YIPF7: variants seen among roughly 807,000 people sequenced by gnomAD.
The protein encoded by YIPF7 is protein YIPF7.
Under a neutral mutation model 27.2 loss-of-function variants are expected in YIPF7, and 35 were observed. The ratio of observed to expected loss-of-function variants is 1.29; its 90% CI spans 0.98 to 1.70. YIPF7 has a LOEUF of 1.70. Ranked by LOEUF, YIPF7 falls within the 40% of genes most tolerant of loss-of-function variation. The probability of loss-of-function intolerance (pLI) is 0.00; values close to 1 mark genes in which losing one functional copy is unlikely to be tolerated. For synonymous variants in YIPF7, 137 were observed against 110.4 expected, an observed-to-expected ratio of 1.24 and a Z score of -1.51; for missense variants, 358 against 303.7, an observed-to-expected ratio of 1.18 and a Z score of -1.33.
upstream of YIPF7, among the ~76,000 whole-genome samples, chr4:44,654,098 T>A (rs1375304684): frequency 6.6e-6 from 1 of 152,074 alleles, no homozygotes; most frequent in African/African-American, 2.4e-5. Flanking sequence ...GACTTCAGCC[T>A]CTTTAGAAGT....
intron 4 of YIPF7, 139 bp downstream of exon 4, chr4:44,629,264 T>A (rs905444806): frequency 9.0e-7 from 1 of 1,109,262 alleles, no homozygotes; most frequent in Admixed American, 4.1e-5. Flanking sequence ...TTTTTGTCAC[T>A]ATGGTTAAAT....
upstream of YIPF7, among the ~76,000 whole-genome samples, chr4:44,655,046 T>G (rs1444932994): frequency 1.3e-5 from 2 of 152,004 alleles, no homozygotes; most frequent in Non-Finnish European, 2.9e-5. Flanking sequence ...CCATCCATAG[T>G]TTCTTAGCAT....
At chr4:44,632,044 C>T (rs1212060507) in intron 3 of YIPF7, among the ~76,000 whole-genome samples, 2 of 152,200 alleles carry the variant, frequency 1.3e-5, no homozygotes, top group South Asian at 2.1e-4. Context: ...CTAACTCCTG[C>T]TCATATTTTA....
intron 3 of YIPF7, among the ~76,000 whole-genome samples, chr4:44,630,154 G>A (rs1252081169): frequency 6.6e-6 from 1 of 152,034 alleles, no homozygotes; most frequent in African/African-American, 2.4e-5. Flanking sequence ...CTTCCATAGT[G>A]GCGAGGTCTC....
At chr4:44,642,479 T>TA (rs948686588) in intron 2 of YIPF7, among the ~76,000 whole-genome samples, 13 of 151,942 alleles carry the variant, frequency 8.6e-5, no homozygotes, top group East Asian at 3.9e-4. Flanking sequence ...TTCATCTCAA[T>TA]AAAAAAAAGC....
upstream of YIPF7, among the ~76,000 whole-genome samples, chr4:44,652,626 T>G (rs1024736047): frequency 1.3e-5 from 2 of 152,216 alleles, no homozygotes; most frequent in African/African-American, 4.8e-5. Flanking sequence ...CAGGCAACAA[T>G]TGGTCACACA....
chr4:44,643,329 A>G (rs1713402816), intron 2 of YIPF7, among the ~76,000 whole-genome samples: 1 of 152,212 alleles, frequency 6.6e-6, no homozygotes, highest in Non-Finnish European at 1.5e-5. Flanking sequence ...GAAATTTCTA[A>G]GCAGTAAAGC....
At chr4:44,640,126 A>G (rs1276184837) in intron 2 of YIPF7, among the ~76,000 whole-genome samples, 1 of 152,160 alleles carries the variant, frequency 6.6e-6, no homozygotes, top group Non-Finnish European at 1.5e-5. Flanking sequence ...ATCTATGTTC[A>G]TCAGAACTAT....
intron 3 of YIPF7, among the ~76,000 whole-genome samples, chr4:44,631,112 G>C (rs1008870122): frequency 3.3e-5 from 5 of 152,144 alleles, no homozygotes; most frequent in Admixed American, 3.3e-4. Flanking sequence ...ATAAGGCTTT[G>C]ACAGATTAAT....
At position 44,650,341 on chromosome 4, in the gene YIPF7, C is replaced by T. The variant is rs977020238; in HGVS notation, c.-1-240G>A. On this transcript the variant is annotated intron_variant, in intron 1 of 5. Coordinates refer to ENST00000415895, the MANE Select transcript of YIPF7 (RefSeq NM_182592.3). ...GAAGTTTTCGCACCCTGGACTGTGG[C>T]TTTTAATAACTTGACTTTAATTCAT... Among the ~76,000 whole-genome samples the T allele has an allele frequency of 3.9e-5, 6 of 152,144 alleles. No homozygotes were observed. In the South Asian group the frequency reaches 1.2e-3, roughly 31 times the overall value.
Position 44,641,995 on chromosome 4 carries a change from A to T in YIPF7, c.117-5910T>A, listed in dbSNP as rs73177645. Among the ~76,000 whole-genome samples, 307 of 152,288 alleles carry T rather than the reference A, an allele frequency of 2.0e-3. 3 individuals are homozygous for T. Among genetic ancestry groups the T allele is most frequent in the African/African-American group, 6.7e-3 (278 of 41,556 alleles). On this transcript the variant is annotated intron_variant, in intron 2 of 5. Transcript: ENST00000415895. ...AAATCCCCCAATACCTATTTTTTTA[A>T]TGTAAGCCTTTCCAGAAAAATGAAA... is the stretch of plus-strand genomic sequence containing the variant.
chr4:44,657,625 A>G (rs528832244), intron 2 of YIPF7, among the ~76,000 whole-genome samples: 1 of 152,264 alleles, frequency 6.6e-6, no homozygotes, highest in South Asian at 2.1e-4. Context: ...TGTAGTGAAA[A>G]AAATGATTTT....
intron 2 of YIPF7, among the ~76,000 whole-genome samples, chr4:44,644,466 G>A (rs1713453479): frequency 6.6e-6 from 1 of 152,202 alleles, no homozygotes; most frequent in South Asian, 2.1e-4. Flanking sequence ...TTTGCTTTAA[G>A]ATTTAATGAC....
At chr4:44,658,956 G>A (rs569323290) in intron 2 of YIPF7, among the ~76,000 whole-genome samples, 1 of 152,258 alleles carries the variant, frequency 6.6e-6, no homozygotes, top group Non-Finnish European at 1.5e-5. Flanking sequence ...AGATTTGGGC[G>A]AGGACTCAGC....
intron 2 of YIPF7, among the ~76,000 whole-genome samples, chr4:44,641,703 A>C (rs2109591802): frequency 6.6e-6 from 1 of 152,316 alleles, no homozygotes; most frequent in Admixed American, 6.5e-5. Context: ...CCAAGAGAAT[A>C]ACTTATTTAG....
At chr4:44,650,255 G>A (rs750839985) in intron 1 of YIPF7, among the ~76,000 whole-genome samples, 154 bp from the exon 2 acceptor site, 2 of 152,042 alleles carry the variant, frequency 1.3e-5, no homozygotes, top group Admixed American at 1.3e-4. Context: ...TTGGGGGAAG[G>A]GTATAGAAAT....
chr4:44,647,858 T>C (rs1713581491), intron 2 of YIPF7, among the ~76,000 whole-genome samples: 2 of 152,090 alleles, frequency 1.3e-5, no homozygotes, highest in Admixed American at 1.3e-4. Context: ...TTCTGTCTTT[T>C]CCTCTTTCTA....
intron 2 of YIPF7, among the ~76,000 whole-genome samples, chr4:44,639,310 C>A (rs1713245338): frequency 6.6e-6 from 1 of 152,068 alleles, no homozygotes; most frequent in South Asian, 2.1e-4. Flanking sequence ...AATATTAATT[C>A]TTTCAATCCA....
chr4:44,626,335 A>C (rs1712633979), intron 4 of YIPF7, among the ~76,000 whole-genome samples: 1 of 152,226 alleles, frequency 6.6e-6, no homozygotes, highest in African/African-American at 2.4e-5. Context: ...AATAGTGACA[A>C]TTTCACATCA....
Sources: allele counts gnomAD v4.1 joint callset (sites outside exome capture counted in the v4.1 genomes callset), GRCh38; gene constraint gnomAD v4.1.1; transcripts MANE v1.5; gene names NCBI Gene and HGNC (gene_info 2026-07-23, HGNC 2026-07-21).